Variants in WWOX observed in about 807,000 individuals in gnomAD.
WWOX encodes WW domain containing oxidoreductase.
In WWOX, 69 loss-of-function variants were observed where a neutral mutation model predicts 46.2. The ratio of observed to expected loss-of-function variants is 1.49; its 90% confidence interval spans 1.23 to 1.82. WWOX has a LOEUF of 1.82. Among genes scored for constraint, WWOX ranks in the 40% most tolerant of loss-of-function variants. The pLI is 0.00. For missense variants in WWOX, 919 were observed against 542.6 expected (o/e 1.69, Z -6.89); for synonymous variants, 359 against 202.6 (o/e 1.77, Z -6.56).
chr16:78,100,611 G>C (rs913453417), intron 1 of WWOX, among the ~76,000 whole-genome samples: 1 of 152,198 alleles, frequency 6.6e-6, no homozygotes, highest in African/African-American at 2.4e-5. Context: ...GAAAGTTTTG[G>C]AAACCCCAGC....
intron 8 of WWOX, among the ~76,000 whole-genome samples, chr16:79,038,417 GAT>G (rs1277862110): frequency 3.9e-5 from 6 of 152,160 alleles, no homozygotes; most frequent in Admixed American, 3.9e-4. Flanking sequence ...AAATTACTAA[GAT>G]ATGTTTTAAC....
At chr16:78,157,367 C>T (rs1334049597) in intron 4 of WWOX, among the ~76,000 whole-genome samples, 1 of 152,138 alleles carries the variant, frequency 6.6e-6, no homozygotes, top group African/African-American at 2.4e-5. Context: ...CTCATTTTCC[C>T]CAAATGATCT....
chr16:78,181,026 C>A (rs1272931979), intron 5 of WWOX, among the ~76,000 whole-genome samples: 1 of 152,184 alleles, frequency 6.6e-6, no homozygotes, highest in Non-Finnish European at 1.5e-5. Context: ...GTTGGCTTTG[C>A]TTCTAATATC....
At chr16:78,250,508 A>T (rs2037955923) in intron 5 of WWOX, among the ~76,000 whole-genome samples, 1 of 152,020 alleles carries the variant, frequency 6.6e-6, no homozygotes, top group Admixed American at 6.6e-5. Flanking sequence ...TATTGTAAGG[A>T]CTGCTTATTG....
At chr16:79,176,760 C>T (rs980693348) in intron 8 of WWOX, among the ~76,000 whole-genome samples, 1 of 152,092 alleles carries the variant, frequency 6.6e-6, no homozygotes, top group Non-Finnish European at 1.5e-5. Flanking sequence ...TGTATTTTCT[C>T]ATAATATAGA....
At chr16:78,545,355 A>T (rs890858115) in intron 8 of WWOX, among the ~76,000 whole-genome samples, 1 of 151,930 alleles carries the variant, frequency 6.6e-6, no homozygotes, top group Non-Finnish European at 1.5e-5. Context: ...ATATATTGAG[A>T]TGGTTCCTTT....
At chr16:78,149,896 A>G (rs2034339370) in intron 4 of WWOX, among the ~76,000 whole-genome samples, 1 of 152,114 alleles carries the variant, frequency 6.6e-6, no homozygotes, top group African/African-American at 2.4e-5. Context: ...CTCTTCTCTC[A>G]TACAGAGCCC....
intron 8 of WWOX, among the ~76,000 whole-genome samples, chr16:78,887,269 A>G (rs924002895): frequency 1.3e-5 from 2 of 152,192 alleles, no homozygotes; most frequent in South Asian, 2.1e-4. Flanking sequence ...TCATTATACC[A>G]GCAATTCCCC....
chr16:79,082,148 G>C (rs934768082), intron 8 of WWOX, among the ~76,000 whole-genome samples: 7 of 152,170 alleles, frequency 4.6e-5, no homozygotes, highest in African/African-American at 1.7e-4. Flanking sequence ...AGTGGGTAAA[G>C]CCCGGGAGAG....
chr16:78,802,282 T>C (rs1208398805), intron 8 of WWOX, among the ~76,000 whole-genome samples: 1 of 151,058 alleles, frequency 6.6e-6, no homozygotes, highest in Non-Finnish European at 1.5e-5. Flanking sequence ...TGTTAAGATA[T>C]TTAACGGGTG....
intron 8 of WWOX, among the ~76,000 whole-genome samples, chr16:78,588,535 A>G (rs2045273879): frequency 6.6e-6 from 1 of 152,174 alleles, no homozygotes; most frequent in Non-Finnish European, 1.5e-5. Context: ...AAGAGGAATG[A>G]AATACTATAA....
At chr16:78,601,694 A>G (rs961604228) in intron 8 of WWOX, among the ~76,000 whole-genome samples, 1 of 152,252 alleles carries the variant, frequency 6.6e-6, no homozygotes, top group East Asian at 1.9e-4. Flanking sequence ...TGTAGAGTGG[A>G]ATATTCATAA....
intron 8 of WWOX, among the ~76,000 whole-genome samples, chr16:78,710,497 T>TATATATATAA: frequency 7.3e-6 from 1 of 137,116 alleles, no homozygotes; most frequent in South Asian, 2.2e-4. Flanking sequence ...TATATATATA[T>TATATATATAA]ATTTATATAA....
intron 4 of WWOX, among the ~76,000 whole-genome samples, chr16:78,116,778 T>C (rs1026313644): frequency 3.1e-4 from 47 of 152,228 alleles, no homozygotes; most frequent in Admixed American, 2.8e-3. Context: ...TTTAACAATT[T>C]AACAAGTTAG....
intron 5 of WWOX, among the ~76,000 whole-genome samples, chr16:78,197,872 T>C (rs2036104904): frequency 1.3e-5 from 2 of 152,190 alleles, no homozygotes; most frequent in Non-Finnish European, 2.9e-5. Context: ...AGCCCCCATA[T>C]GTTTTAACTG....
At chr16:78,396,716 A>G (rs192604726) in intron 6 of WWOX, among the ~76,000 whole-genome samples, 5 of 152,350 alleles carry the variant, frequency 3.3e-5, no homozygotes, top group Non-Finnish European at 5.9e-5. Flanking sequence ...AAAGAATCAG[A>G]TAGTAAATAT....
In WWOX at chr16:78,616,186, C is replaced by A. The variant is rs932243185; in HGVS notation, c.1056+183434C>A. On this transcript the variant is annotated intron_variant, in intron 8 of 8. Coordinates refer to ENST00000566780, the MANE Select transcript of WWOX (RefSeq NM_016373.4). The stretch of plus-strand genomic sequence containing the variant: ...CTTTCCCTGCCATGTGTATGCATTC[C>A]CACGGCCACACAAGCACACACACAC... Among the ~76,000 whole-genome samples, 8 of 151,986 alleles carry A rather than the reference C, an allele frequency of 5.3e-5. No individual in the cohort carries two copies. The South Asian group carries it at 1.7e-3, about 32-fold the overall frequency.
At chr16:78,971,448 CAA>C (rs71140852) in intron 8 of WWOX, among the ~76,000 whole-genome samples, 46 of 111,884 alleles carry the variant, frequency 4.1e-4, no homozygotes, top group African/African-American at 1.2e-3. Context: ...GACTCTGTGT[CAA>C]AAAAAAAAAA....
chr16:78,352,621 C>CTA (rs2081208186), intron 5 of WWOX, among the ~76,000 whole-genome samples: 1 of 152,154 alleles, frequency 6.6e-6, no homozygotes, highest in African/African-American at 2.4e-5. Context: ...GATAATCTGC[C>CTA]TGTTTGAAGG....
Sources: gnomAD v4.1 joint callset for allele counts (sites outside exome capture counted in the v4.1 genomes callset) on GRCh38, gnomAD v4.1.1 for gene constraint, MANE v1.5 for transcripts, NCBI Gene and HGNC (gene_info 2026-07-23, HGNC 2026-07-21) for gene names.